JAM3: variants seen among roughly 807,000 people sequenced by gnomAD.
JAM3 encodes the protein junctional adhesion molecule C.
In JAM3, 31 loss-of-function variants were observed where a neutral mutation model predicts 39.4. The observed-to-expected ratio is 0.79, with a 90% confidence interval of 0.59 to 1.06. JAM3 has a LOEUF of 1.06. Among genes scored for constraint, JAM3 ranks in the 50% least tolerant of loss-of-function variants. The pLI is 0.00. For missense variants in JAM3, 455 were observed against 391.4 expected (o/e 1.16, Z -1.37); for synonymous variants, 182 against 148.7 (o/e 1.22, Z -1.63).
At chr11:134,144,179 C>A in intron 3 of JAM3, 62 bp from the exon 4 acceptor site, 1 of 1,582,146 alleles carries the variant, frequency 6.3e-7, no homozygotes, top group Non-Finnish European at 8.7e-7. Flanking sequence ...CAGAAACCAC[C>A]CTCTTCAAGT....
intron 1 of JAM3, among the ~76,000 whole-genome samples, chr11:134,079,992 C>CTTT (rs149112662): frequency 5.4e-5 from 8 of 148,020 alleles, no homozygotes; most frequent in African/African-American, 1.8e-4. Context: ...TTGTTTTGTT[C>CTTT]TTTTTTTTGT....
At chr11:134,141,191 G>T (rs1230523784) in intron 3 of JAM3, among the ~76,000 whole-genome samples, 1 of 152,074 alleles carries the variant, frequency 6.6e-6, no homozygotes, top group Admixed American at 6.5e-5. Flanking sequence ...TGGTGCTGGG[G>T]TTGCCGATGG....
At chr11:134,100,259 C>T (rs945814771) in intron 1 of JAM3, among the ~76,000 whole-genome samples, 1 of 152,130 alleles carries the variant, frequency 6.6e-6, no homozygotes, top group Non-Finnish European at 1.5e-5. Flanking sequence ...GGCTCATCTG[C>T]TCTGCAGAGC....
intron 1 of JAM3, among the ~76,000 whole-genome samples, chr11:134,114,358 G>A (rs1009037882): frequency 8.5e-5 from 13 of 152,174 alleles, no homozygotes; most frequent in Admixed American, 2.0e-4. Context: ...ATTAATTTTT[G>A]TATAAGGTGT....
In JAM3 at chr11:134,075,657, G is replaced by A. The variant is rs1941555550; in HGVS notation, c.76+6498G>A. Among the ~76,000 whole-genome samples the A allele has an allele frequency of 2.6e-5, 4 of 152,142 alleles. No individual in the cohort carries two copies. The South Asian group carries it at 8.3e-4, about 32-fold the overall frequency. ...CCCCAGTCTGATCTTGAACTCCTGA[G>A]TTTAAGGGATCCTACTGCCTTAGCC... On this transcript the variant is annotated intron_variant, in intron 1 of 8. Coordinates refer to ENST00000299106, the MANE Select transcript of JAM3 (RefSeq NM_032801.5).
rs1202994928 is a variant in JAM3 at position 134,108,153 on chromosome 11, T to C, written c.77-31698T>C. On this transcript the variant is annotated intron_variant, in intron 1 of 8. Coordinates refer to ENST00000299106, the MANE Select transcript of JAM3 (RefSeq NM_032801.5). ...ACATTAAAAGAATGATAAGAAAATA[T>C]TATGAACAACTTTATGCTTAAACAT... Among the ~76,000 whole-genome samples the C allele has an allele frequency of 3.3e-5, 5 of 152,018 alleles. 1 individual carries two copies. Among genetic ancestry groups the C allele is most frequent in the Non-Finnish European group, 7.4e-5 (5 of 67,998 alleles).
At chr11:134,129,992 A>C (rs969257342) in intron 1 of JAM3, among the ~76,000 whole-genome samples, 1 of 151,816 alleles carries the variant, frequency 6.6e-6, no homozygotes, top group Non-Finnish European at 1.5e-5. Context: ...ACAGAGTGAG[A>C]TTCTGTCTCC....
At chr11:134,139,629 C>G (rs1942938003) in intron 1 of JAM3, 1 of 570,292 alleles carries the variant, frequency 1.8e-6, no homozygotes, top group Non-Finnish European at 3.1e-6. Context: ...AGAAGGAATT[C>G]TTAGAACTCT....
At position 134,146,030 on chromosome 11, in the gene JAM3, C is replaced by A. The variant is rs373764298; in HGVS notation, c.697C>A (p.Gln233Lys). ...NDAGSARCEE[Q>K]EMEVYDLNIG... ...CGCAGGCTCAGCCAGGTGTGAGGAGCAGGAGATGGAAGTCTGTGAGTTTCT... is the reference window on the plus strand; with the variant it reads ...CGCAGGCTCAGCCAGGTGTGAGGAGAAGGAGATGGAAGTCTGTGAGTTTCT... The change falls in exon 6 of 9, where the codon CAG (glutamine) becomes AAG (lysine). Residue 233 changes from glutamine (Q) to lysine (K), a missense_variant. Gln to Lys is a moderately conservative substitution (Grantham distance 53). Coordinates refer to ENST00000299106, the MANE Select transcript of JAM3 (RefSeq NM_032801.5). 1 of 1,612,382 alleles carries A rather than the reference C, an allele frequency of 6.2e-7. No homozygotes were observed. Among genetic ancestry groups the A allele is most frequent in the African/African-American group, 1.3e-5 (1 of 74,894 alleles).
rs572858772 is a variant in JAM3, at chr11:134,108,954, C to T, written c.77-30897C>T. Among the ~76,000 whole-genome samples the T allele has an allele frequency of 3.8e-4, 58 of 152,254 alleles. No individual in the cohort carries two copies. In the South Asian group the frequency reaches 3.9e-3, roughly 10 times the overall value. On this transcript the variant is annotated intron_variant, in intron 1 of 8. Coordinates refer to ENST00000299106, the MANE Select transcript of JAM3 (RefSeq NM_032801.5). Reference sequence around the variant, plus strand: ...TAGAAACCAGACAAAAATACCTGCTCTCACCAGCTCTTTTAACTTTAATAC... The same window carrying T: ...TAGAAACCAGACAAAAATACCTGCTTTCACCAGCTCTTTTAACTTTAATAC...
chr11:134,100,497 C>G (rs1942054634), intron 1 of JAM3, among the ~76,000 whole-genome samples: 1 of 152,318 alleles, frequency 6.6e-6, no homozygotes, highest in South Asian at 2.1e-4. Context: ...GACTCTCCTT[C>G]TCTTTAAGAC....
chr11:134,131,233 T>TGTGG (rs1942762690), intron 1 of JAM3, among the ~76,000 whole-genome samples: 1 of 10,840 alleles, frequency 9.2e-5, no homozygotes, highest in Non-Finnish European at 1.9e-4. Flanking sequence ...TGCTCTTTTT[T>TGTGG]GGGGGGGCGG....
chr11:134,125,394 A>G (rs1048262883), intron 1 of JAM3, among the ~76,000 whole-genome samples: 1 of 152,220 alleles, frequency 6.6e-6, no homozygotes, highest in Non-Finnish European at 1.5e-5. Context: ...TTAGGCTTCA[A>G]GGTCTGATTC....
At position 134,148,528 on chromosome 11, in the gene JAM3, CA is replaced by C; in HGVS notation, c.713-16del. On this transcript the variant is annotated intron_variant, in intron 6 of 8. Coordinates refer to ENST00000299106, the MANE Select transcript of JAM3 (RefSeq NM_032801.5). ...AGATAGTGTGTATCATGGCTTCCAC[CA>C]AACCTCCTTTTCTTCAGATGACCTG... The C allele has an allele frequency of 6.2e-7, 1 of 1,614,138 alleles. No individual in the cohort carries two copies. The highest frequency in any genetic ancestry group is 8.5e-7 in the Non-Finnish European group (1 of 1,180,020).
At position 134,139,835 on chromosome 11, in the gene JAM3, T is replaced by C. The variant is rs1316322511; in HGVS notation, c.77-16T>C. The C allele has an allele frequency of 6.2e-7, 1 of 1,609,776 alleles. No individual in the cohort carries two copies. Among genetic ancestry groups the C allele is most frequent in the Non-Finnish European group, 8.5e-7 (1 of 1,176,008 alleles). On this transcript the variant is annotated splice_polypyrimidine_tract_variant and intron_variant, in intron 1 of 8. Transcript: ENST00000299106. ...GAGATACATTGTCTCTGATTTTACT[T>C]TTCTTTCTCCTTCAGGCTGCCTGAT... is the stretch of plus-strand genomic sequence containing the variant.
At chr11:134,133,609 C>A (rs1942808639) in intron 1 of JAM3, among the ~76,000 whole-genome samples, 1 of 152,046 alleles carries the variant, frequency 6.6e-6, no homozygotes, top group South Asian at 2.1e-4. Context: ...TTATGTGTTT[C>A]AGGAAGAAAT....
chr11:134,144,506 G>A (rs898198085), intron 4 of JAM3, 113 bp downstream of exon 4: 123 of 1,310,382 alleles, frequency 9.4e-5, no homozygotes, highest in Admixed American at 1.5e-4. Context: ...CATGGCTTAG[G>A]GAGGGGAGAA....
At chr11:134,105,691 ATTC>A (rs1234178421) in intron 1 of JAM3, among the ~76,000 whole-genome samples, 3 of 144,950 alleles carry the variant, frequency 2.1e-5, no homozygotes, top group Non-Finnish European at 4.5e-5. Flanking sequence ...CATCACAAGC[ATTC>A]TTATATACCA....
At chr11:134,136,279 A>C (rs1029721925) in intron 1 of JAM3, among the ~76,000 whole-genome samples, 3 of 152,194 alleles carry the variant, frequency 2.0e-5, no homozygotes, top group African/African-American at 4.8e-5. Flanking sequence ...CAGTGTGTGC[A>C]CAATTAAACT....
Sources: gnomAD v4.1 joint callset for allele counts (sites outside exome capture counted in the v4.1 genomes callset) on GRCh38, gnomAD v4.1.1 for gene constraint, MANE v1.5 for transcripts, NCBI Gene and HGNC (gene_info 2026-07-23, HGNC 2026-07-21) for gene names.